R3HDM1: variants seen among roughly 807,000 people sequenced by gnomAD.
The protein encoded by R3HDM1 is R3H domain containing 1, also known as R3H domain-containing protein 1.
R3HDM1 carries 46 observed loss-of-function variants against 141.1 expected under a neutral mutation model. The observed-to-expected ratio is 0.33, with a 90% CI of 0.26 to 0.42. The LOEUF (loss-of-function observed/expected upper bound fraction) is 0.42. Ranked by LOEUF, R3HDM1 falls within the 10% of genes least tolerant of loss-of-function variation. The pLI is 1.00. For missense variants in R3HDM1, 1,184 were observed against 1,368.3 expected (o/e 0.87, Z 2.12); for synonymous variants, 435 against 472.9 (o/e 0.92, Z 1.04).
intron 1 of R3HDM1, among the ~76,000 whole-genome samples, chr2:135,551,567 T>C (rs139225426): frequency 2.2e-4 from 33 of 152,302 alleles, no homozygotes; most frequent in African/African-American, 6.5e-4. Context: ...TACGAAATAA[T>C]TGAGTGTACA....
intron 23 of R3HDM1, among the ~76,000 whole-genome samples, chr2:135,711,075 C>A (rs1035702007): frequency 4.6e-5 from 7 of 152,170 alleles, no homozygotes; most frequent in Non-Finnish European, 8.8e-5. Flanking sequence ...ACATTATTTA[C>A]CTCTTCATGT....
intron 1 of R3HDM1, chr2:135,586,678 T>G (rs1351399688): frequency 1.0e-6 from 1 of 985,114 alleles, no homozygotes; most frequent in Non-Finnish European, 1.2e-6. Flanking sequence ...AAAATATATT[T>G]GTTTAGGTTG....
At chr2:135,650,921 G>C in intron 17 of R3HDM1, 1 of 985,386 alleles carries the variant, frequency 1.0e-6, no homozygotes, top group Non-Finnish European at 1.2e-6. Flanking sequence ...TTTATTGCCA[G>C]TCTGTGGTTT....
intron 1 of R3HDM1, chr2:135,577,322 C>T (rs1705668850): frequency 1.9e-6 from 1 of 523,308 alleles, no homozygotes; most frequent in South Asian, 8.4e-5. Context: ...GCCAAAAGGC[C>T]TATAGCACTA....
chr2:135,635,931 G>T lies in R3HDM1; in HGVS notation c.740G>T (p.Gly247Val). Reference sequence around the variant, plus strand: ...AATGAACATATTAAGGATGATAAAGGTGAAGACTTTCAGAAACGTTATATC... The same window carrying T: ...AATGAACATATTAAGGATGATAAAGTTGAAGACTTTCAGAAACGTTATATC... ...KFNEHIKDDK[G>V]EDFQKRYILK... is the part of the protein sequence containing the mutation. Residue 247 changes from glycine to valine, a missense_variant, in exon 10 of 27, where the codon GGT (glycine) becomes GTT (valine). Transcript: ENST00000683871. The T allele has an allele frequency of 6.2e-7, 1 of 1,610,206 alleles. No individual in the cohort carries two copies. The highest frequency in any genetic ancestry group is 8.5e-7 in the Non-Finnish European group (1 of 1,178,698).
intron 1 of R3HDM1, among the ~76,000 whole-genome samples, chr2:135,589,772 T>A (rs893848120): frequency 6.6e-6 from 1 of 152,052 alleles, no homozygotes; most frequent in Non-Finnish European, 1.5e-5. Flanking sequence ...ATTTTATATA[T>A]GTATGTTATA....
intron 5 of R3HDM1, among the ~76,000 whole-genome samples, chr2:135,619,421 AT>A (rs1408209118): frequency 6.6e-6 from 1 of 152,210 alleles, no homozygotes; most frequent in African/African-American, 2.4e-5. Flanking sequence ...ATCATAGATA[AT>A]TTTTTGTGTT....
intron 21 of R3HDM1, among the ~76,000 whole-genome samples, chr2:135,686,288 A>T (rs1200466126): frequency 6.6e-6 from 1 of 152,242 alleles, no homozygotes; most frequent in Non-Finnish European, 1.5e-5. Flanking sequence ...TAAAAATAGA[A>T]CTATCATTTG....
intron 19 of R3HDM1, chr2:135,667,849 TG>T: frequency 4.9e-6 from 4 of 820,536 alleles, no homozygotes; most frequent in Non-Finnish European, 5.9e-6. Flanking sequence ...TGCTTTTGTC[TG>T]AATAATTAGA....
At chr2:135,626,248 C>CTTGCTTGCT (rs2062041416) in intron 7 of R3HDM1, among the ~76,000 whole-genome samples, 1 of 152,028 alleles carries the variant, frequency 6.6e-6, no homozygotes, top group African/African-American at 2.4e-5. Flanking sequence ...TGCTTGCTTG[C>CTTGCTTGCT]TGGTGGAGAG....
chr2:135,583,057 A>G (rs1471488562), intron 1 of R3HDM1, among the ~76,000 whole-genome samples: 1 of 152,146 alleles, frequency 6.6e-6, no homozygotes, highest in African/African-American at 2.4e-5. Flanking sequence ...TTCTCTGGCT[A>G]ATGTATTTTT....
intron 17 of R3HDM1, chr2:135,651,057 C>T: frequency 1.0e-6 from 1 of 985,248 alleles, no homozygotes; most frequent in South Asian, 4.7e-5. Context: ...AAATCATAAC[C>T]CTTGTCTTGG....
intron 16 of R3HDM1, among the ~76,000 whole-genome samples, 182 bp from the exon 17 acceptor site, chr2:135,649,720 T>C (rs908653944): frequency 6.6e-6 from 1 of 152,224 alleles, no homozygotes; most frequent in African/African-American, 2.4e-5. Context: ...TTTTGAAAGT[T>C]TTACTGTATT....
chr2:135,572,967 C>T (rs1704484334), intron 1 of R3HDM1, among the ~76,000 whole-genome samples: 1 of 152,056 alleles, frequency 6.6e-6, no homozygotes, highest in Admixed American at 6.5e-5. Flanking sequence ...TCTATAGAGA[C>T]AGTAGATTAG....
chr2:135,706,523 G>A (rs929101600), intron 21 of R3HDM1, among the ~76,000 whole-genome samples: 8 of 152,150 alleles, frequency 5.3e-5, no homozygotes, highest in South Asian at 2.1e-4. Flanking sequence ...AGGACCCTGC[G>A]GCCTTACGCA....
intron 19 of R3HDM1, among the ~76,000 whole-genome samples, chr2:135,674,344 T>TA (rs1313613655): frequency 6.6e-6 from 1 of 152,204 alleles, no homozygotes; most frequent in African/African-American, 2.4e-5. Flanking sequence ...TCATTGCCCT[T>TA]TAGCTGTTAA....
chr2:135,537,436 G>GCTA (rs1696439322), intron 1 of R3HDM1, among the ~76,000 whole-genome samples: 1 of 150,328 alleles, frequency 6.7e-6, no homozygotes, highest in South Asian at 2.1e-4. Flanking sequence ...ATAGTCACGA[G>GCTA]CCATCATGCC....
In R3HDM1 at chr2:135,638,897, G is replaced by T. The variant is rs985303094; in HGVS notation, c.994G>T (p.Val332Phe). Residue 332 changes from valine to phenylalanine, a missense_variant and splice_region_variant, in exon 14 of 27, where the codon GTT (valine) becomes TTT (phenylalanine). By Grantham distance (50) the Val-to-Phe change is conservative. Transcript: ENST00000683871. Reference sequence around the variant, plus strand: ...CAAGGTTTTATTTCTAAATTACAGAGTTAATAAAGATGCTTCAGGGAGATC... The same window carrying T: ...CAAGGTTTTATTTCTAAATTACAGATTTAATAAAGATGCTTCAGGGAGATC... ...STQQRRQIFRVNKDASGRSTN... is the reference protein window; with the variant it reads ...STQQRRQIFRFNKDASGRSTN... 1 of 1,612,950 alleles carries T rather than the reference G, an allele frequency of 6.2e-7. No individual in the cohort carries two copies. Among genetic ancestry groups the T allele is most frequent in the Admixed American group, 1.7e-5 (1 of 59,928 alleles).
At chr2:135,536,245 G>C (rs778144692) in intron 1 of R3HDM1, among the ~76,000 whole-genome samples, 2 of 152,146 alleles carry the variant, frequency 1.3e-5, no homozygotes, top group Admixed American at 6.5e-5. Context: ...GCTCAAGGGA[G>C]CTTCCCATCT....
Sources: allele counts gnomAD v4.1 joint callset (sites outside exome capture counted in the v4.1 genomes callset), GRCh38; gene constraint gnomAD v4.1.1; transcripts MANE v1.5; gene names NCBI Gene and HGNC (gene_info 2026-07-23, HGNC 2026-07-21).